The following MGRN1 variants were observed in gnomAD, a reference collection of about 807,000 sequenced individuals.
MGRN1 encodes the protein mahogunin ring finger 1, also known as E3 ubiquitin-protein ligase MGRN1.
Under a neutral mutation model 69.2 loss-of-function variants are expected in MGRN1, and 29 were observed. The observed-to-expected ratio is 0.42, with a 90% CI of 0.31 to 0.57. The LOEUF (loss-of-function observed/expected upper bound fraction) is 0.57. Ranked by LOEUF, MGRN1 falls within the 20% of genes least tolerant of loss-of-function variation. The pLI is 0.15. For missense variants in MGRN1, 998 were observed against 796.2 expected, an observed-to-expected ratio of 1.25 and a Z score of -3.05; for synonymous variants, 470 against 344.2, an observed-to-expected ratio of 1.37 and a Z score of -4.04.
At chr16:4,668,890 A>G (rs1432197099) in intron 8 of MGRN1, among the ~76,000 whole-genome samples, 1 of 152,200 alleles carries the variant, frequency 6.6e-6, no homozygotes, top group Admixed American at 6.5e-5. Context: ...ATATACATAG[A>G]CACACATTCA....
At chr16:4,671,975 G>C (rs1392858828) in intron 9 of MGRN1, among the ~76,000 whole-genome samples, 1 of 152,184 alleles carries the variant, frequency 6.6e-6, no homozygotes, top group Non-Finnish European at 1.5e-5. Context: ...GGGAGATCTT[G>C]GCTCACTGTG....
At position 4,682,708 on chromosome 16, in the gene MGRN1, C is replaced by T. The variant is rs112355531; in HGVS notation, c.1359-115C>T. The T allele has an allele frequency of 1.3e-4, 162 of 1,226,008 alleles. 2 individuals carry two copies. The highest frequency in any genetic ancestry group is 8.6e-4 in the African/African-American group (55 of 64,124). 75.9% of individuals were successfully genotyped at this position (1,226,008 alleles called of 1,614,324 possible). ...TGCCCTTCTCCAGGGAGTGTCCTTG[C>T]GTGGGTCCTGGCAGGCGTGTGCAGG... On this transcript the variant is annotated intron_variant, in intron 13 of 16. Transcript: ENST00000262370.
At chr16:4,648,425 C>T (rs1426660470) in intron 1 of MGRN1, among the ~76,000 whole-genome samples, 2 of 118,528 alleles carry the variant, frequency 1.7e-5, no homozygotes, top group Non-Finnish European at 3.4e-5. Context: ...GGGCTCTTCC[C>T]GTGGTCACCC....
intron 5 of MGRN1, among the ~76,000 whole-genome samples, chr16:4,657,738 C>CTTTTTTTTTTT (rs1157518931): frequency 1.2e-4 from 9 of 76,998 alleles, no homozygotes; most frequent in Non-Finnish European, 1.5e-4. Flanking sequence ...TGCAGACATC[C>CTTTTTTTTTTT]TTTTTTTTTT....
chr16:4,660,656 A>G (rs927721841), intron 5 of MGRN1, among the ~76,000 whole-genome samples: 1 of 152,232 alleles, frequency 6.6e-6, no homozygotes. Flanking sequence ...GTTTGGCTCC[A>G]TCACCTAAAG....
At chr16:4,651,390 A>G (rs1596280933) in intron 2 of MGRN1, among the ~76,000 whole-genome samples, 1 of 152,232 alleles carries the variant, frequency 6.6e-6, no homozygotes, top group South Asian at 2.1e-4. Flanking sequence ...TGGGTAGAAG[A>G]GAGAAGGGGC....
intron 5 of MGRN1, among the ~76,000 whole-genome samples, chr16:4,659,324 T>C (rs2078623619): frequency 6.6e-6 from 1 of 152,080 alleles, no homozygotes; most frequent in Non-Finnish European, 1.5e-5. Flanking sequence ...TGCTGAGCTC[T>C]GGGGAGTGGG....
intron 16 of MGRN1, among the ~76,000 whole-genome samples, chr16:4,685,388 C>T (rs553115720): frequency 2.0e-5 from 3 of 152,336 alleles, no homozygotes; most frequent in South Asian, 2.1e-4. Flanking sequence ...GCCAGGACTC[C>T]GAGTCTCATG....
At chr16:4,662,465 G>C (rs186655292) in intron 5 of MGRN1, among the ~76,000 whole-genome samples, 4 of 150,624 alleles carry the variant, frequency 2.7e-5, no homozygotes, top group Non-Finnish European at 5.9e-5. Context: ...GCAGCGAGCC[G>C]ACATCCTGCC....
At chr16:4,666,368 G>C (rs1026351552) in intron 7 of MGRN1, among the ~76,000 whole-genome samples, 4 of 152,176 alleles carry the variant, frequency 2.6e-5, no homozygotes, top group Non-Finnish European at 4.4e-5. Flanking sequence ...CTGGCCTCAA[G>C]TGATCCTCCC....
At chr16:4,635,749 C>T (rs982188787) in intron 1 of MGRN1, among the ~76,000 whole-genome samples, 2 of 151,784 alleles carry the variant, frequency 1.3e-5, no homozygotes, top group Admixed American at 1.3e-4. Context: ...ACTCTCCCGC[C>T]AAAGCCTCCC....
chr16:4,625,569 A>G (rs1330738691), intron 1 of MGRN1, among the ~76,000 whole-genome samples: 1 of 152,060 alleles, frequency 6.6e-6, no homozygotes, highest in Non-Finnish European at 1.5e-5. Context: ...CAAGGAGACG[A>G]TTATAGTTGA....
At chr16:4,673,432 A>G (rs2078985334) in intron 9 of MGRN1, 66 bp from the exon 10 acceptor site, 1 of 1,569,280 alleles carries the variant, frequency 6.4e-7, no homozygotes, top group Non-Finnish European at 8.6e-7. Flanking sequence ...ACAGCTGGGG[A>G]CAGGAAGCAG....
At chr16:4,644,267 C>CAGGT (rs988132467) in intron 1 of MGRN1, among the ~76,000 whole-genome samples, 14 of 150,696 alleles carry the variant, frequency 9.3e-5, no homozygotes, top group African/African-American at 3.2e-4. Flanking sequence ...GCTGGGTTTA[C>CAGGT]AGGTGTTAGC....
At chr16:4,647,638 A>G (rs2078302354) in intron 1 of MGRN1, among the ~76,000 whole-genome samples, 1 of 152,200 alleles carries the variant, frequency 6.6e-6, no homozygotes, top group African/African-American at 2.4e-5. Flanking sequence ...ATGATCTTGC[A>G]GTGTGTTAAC....
At chr16:4,664,662 G>C in intron 5 of MGRN1, 47 bp from the exon 6 acceptor site, 2 of 1,602,680 alleles carry the variant, frequency 1.2e-6, no homozygotes, top group Admixed American at 1.7e-5. Context: ...CAGGCTTCCA[G>C]GCTTGGCTGT....
chr16:4,629,599 C>T (rs1447349713), intron 1 of MGRN1, among the ~76,000 whole-genome samples: 5 of 151,860 alleles, frequency 3.3e-5, no homozygotes, highest in East Asian at 1.9e-4. Context: ...ATTAGCTGGG[C>T]GTGGTGGCAC....
chr16:4,650,480 C>G lies in MGRN1; in HGVS notation c.204C>G (p.Val68=), dbSNP rs372367122. The G allele has an allele frequency of 3.7e-6, 6 of 1,611,944 alleles. No individual in the cohort carries two copies. In the African/African-American group the frequency reaches 6.7e-5, roughly 18 times the overall value. ...MDLNFLGSRP[V]QFPYVTPAPH... ...TGAACTTCCTGGGCAGCCGCCCGGT[C>G]CAGGTGGGTCTGGACAGGGCTGTCT... is the stretch of plus-strand genomic sequence containing the variant. The change falls in exon 2 of 17, where the codon GTC becomes GTG. Residue 68 remains valine (V), a synonymous_variant. Coordinates refer to ENST00000262370, the MANE Select transcript of MGRN1 (RefSeq NM_015246.4).
intron 5 of MGRN1, among the ~76,000 whole-genome samples, chr16:4,657,826 A>C (rs1596289912): frequency 7.2e-6 from 1 of 138,098 alleles, no homozygotes; most frequent in African/African-American, 2.8e-5. Context: ...GATCACTACA[A>C]CCTCTGCCTC....
Sources: allele counts gnomAD v4.1 joint callset (sites outside exome capture counted in the v4.1 genomes callset), GRCh38; gene constraint gnomAD v4.1.1; transcripts MANE v1.5; gene names NCBI Gene and HGNC (gene_info 2026-07-23, HGNC 2026-07-21).